Variants in RNF150 observed in about 807,000 individuals in gnomAD.
The protein encoded by RNF150 is ring finger protein 150.
Under a neutral mutation model 39.3 loss-of-function variants are expected in RNF150, and 24 were observed. The ratio of observed to expected loss-of-function variants is 0.61; its 90% confidence interval spans 0.44 to 0.86. The LOEUF (loss-of-function observed/expected upper bound fraction) is 0.86. RNF150 is among the 40% of genes least tolerant of loss of function. RNF150 has a pLI of 0.00. For missense variants in RNF150, 502 were observed against 587.8 expected, an observed-to-expected ratio of 0.85 and a Z score of 1.51; for synonymous variants, 255 against 227.3, an observed-to-expected ratio of 1.12 and a Z score of -1.10.
At chr4:141,207,005 G>A (rs1728385577) in intron 1 of RNF150, among the ~76,000 whole-genome samples, 1 of 148,726 alleles carries the variant, frequency 6.7e-6, no homozygotes, top group African/African-American at 2.5e-5. Context: ...ATGGTAAGAA[G>A]AAGGCAGCCA....
In RNF150 at chr4:141,132,912, T is replaced by A; in HGVS notation, c.-104A>T. On this transcript the variant is annotated 5_prime_UTR_variant, in exon 1 of 7. Coordinates refer to ENST00000515673, the MANE Select transcript of RNF150 (RefSeq NM_020724.2). This position sits in a 1 kb window ranked among gnomAD's most constrained non-coding sequence, Gnocchi z 4.9. Reference sequence around the variant, plus strand: ...GGGCCGCTGCCTCTCCTCCTGCTGCTGCTCACTCCCGGGCCGGAGGGGCCG... The same window carrying A: ...GGGCCGCTGCCTCTCCTCCTGCTGCAGCTCACTCCCGGGCCGGAGGGGCCG... 1 of 963,532 alleles carries A rather than the reference T, an allele frequency of 1.0e-6. No individual in the cohort carries two copies. The highest frequency in any genetic ancestry group is 1.6e-6 in the Non-Finnish European group (1 of 640,568). 59.7% of individuals were successfully genotyped at this position (963,532 alleles called of 1,614,324 possible). A position where few individuals can be genotyped will look rare whatever the true frequency, so the allele number is the denominator to read the frequency against.
chr4:141,143,758 T>C (rs996382665), intron 1 of RNF150, among the ~76,000 whole-genome samples: 4 of 152,220 alleles, frequency 2.6e-5, no homozygotes, highest in African/African-American at 9.6e-5. Context: ...CAACAAGCTT[T>C]GGTTCCACTC....
rs536871267 is a variant in RNF150 at position 140,871,660 on chromosome 4, T to C, written c.1199-3281A>G. The stretch of plus-strand genomic sequence containing the variant: ...CCAGCCAAAAAAAAAATAGCACAGA[T>C]AAAGAGCTGACTTAGTTACAGTTCT... On this transcript the variant is annotated intron_variant, in intron 6 of 6. Coordinates refer to ENST00000515673, the MANE Select transcript of RNF150 (RefSeq NM_020724.2). Among the ~76,000 whole-genome samples, 4 of 152,224 alleles carry C rather than the reference T, an allele frequency of 2.6e-5. No individual in the cohort carries two copies. The East Asian group carries it at 7.7e-4, about 29-fold the overall frequency.
intron 1 of RNF150, among the ~76,000 whole-genome samples, chr4:141,090,376 A>T (rs1738534876): frequency 6.6e-6 from 1 of 152,214 alleles, no homozygotes; most frequent in South Asian, 2.1e-4. Context: ...CTAAATCAGG[A>T]TATAAAAAGA....
intron 1 of RNF150, among the ~76,000 whole-genome samples, chr4:141,168,894 G>A (rs1338686244): frequency 6.6e-6 from 1 of 152,108 alleles, no homozygotes; most frequent in Admixed American, 6.5e-5. Flanking sequence ...GTATACCTAT[G>A]TAACAAACAT....
intron 1 of RNF150, among the ~76,000 whole-genome samples, chr4:141,016,130 T>C (rs1399517227): frequency 1.3e-5 from 2 of 152,204 alleles, no homozygotes; most frequent in Non-Finnish European, 2.9e-5. Flanking sequence ...TTTAGTCCAT[T>C]TCTTTTTACT....
At chr4:141,154,963 G>A (rs1210754909) in intron 1 of RNF150, among the ~76,000 whole-genome samples, 2 of 152,110 alleles carry the variant, frequency 1.3e-5, no homozygotes, top group Non-Finnish European at 2.9e-5. Context: ...ATAAATGCTT[G>A]GTGATGTCAT....
At chr4:140,992,226 G>T (rs1468451130) in intron 1 of RNF150, among the ~76,000 whole-genome samples, 2 of 152,040 alleles carry the variant, frequency 1.3e-5, no homozygotes, top group African/African-American at 4.8e-5. Context: ...GGGGAGCCAG[G>T]TGTGGTAGCT....
chr4:141,039,628 T>C (rs1578659228), intron 1 of RNF150, among the ~76,000 whole-genome samples: 1 of 151,980 alleles, frequency 6.6e-6, no homozygotes, highest in East Asian at 1.9e-4. Flanking sequence ...ACAGGCAGGG[T>C]GGTTGATTCC....
At chr4:140,995,468 T>C (rs1476588448) in intron 1 of RNF150, among the ~76,000 whole-genome samples, 1 of 152,196 alleles carries the variant, frequency 6.6e-6, no homozygotes, top group Non-Finnish European at 1.5e-5. Context: ...GGTGGTAACT[T>C]CTGGGTCATC....
At chr4:140,993,389 T>A (rs1734260861) in intron 1 of RNF150, among the ~76,000 whole-genome samples, 1 of 152,208 alleles carries the variant, frequency 6.6e-6, no homozygotes, top group African/African-American at 2.4e-5. Context: ...TGACCCAGAA[T>A]AATCTCCTCA....
At chr4:140,982,402 A>G (rs1321172970) in intron 1 of RNF150, among the ~76,000 whole-genome samples, 1 of 151,588 alleles carries the variant, frequency 6.6e-6, no homozygotes, top group Non-Finnish European at 1.5e-5. Context: ...AACCTTCCAC[A>G]CCCACACCTC....
At chr4:141,161,936 T>C (rs1727518955) in intron 1 of RNF150, among the ~76,000 whole-genome samples, 1 of 152,136 alleles carries the variant, frequency 6.6e-6, no homozygotes, top group African/African-American at 2.4e-5. Flanking sequence ...AGGGGCACAG[T>C]CCTTATGGAG....
intron 1 of RNF150, among the ~76,000 whole-genome samples, chr4:141,029,780 A>T (rs1040102704): frequency 6.6e-6 from 1 of 152,252 alleles, no homozygotes; most frequent in Non-Finnish European, 1.5e-5. Context: ...ATATTGGATA[A>T]GGGATTACTA....
chr4:141,128,826 G>A (rs776007346), intron 1 of RNF150, among the ~76,000 whole-genome samples: 1 of 152,120 alleles, frequency 6.6e-6, no homozygotes, highest in Non-Finnish European at 1.5e-5. Flanking sequence ...TGGGTGTAAG[G>A]TGAAAGGGAA....
chr4:140,919,591 C>A (rs1399476040), intron 5 of RNF150, among the ~76,000 whole-genome samples: 1 of 150,186 alleles, frequency 6.7e-6, no homozygotes, highest in Non-Finnish European at 1.5e-5. Flanking sequence ...GAATCAATAT[C>A]GTGAAAATGG....
chr4:141,204,436 T>G (rs1728341973), intron 1 of RNF150, among the ~76,000 whole-genome samples: 2 of 152,212 alleles, frequency 1.3e-5, no homozygotes, highest in African/African-American at 2.4e-5. Context: ...ATGTTCTTCT[T>G]AGACAAAAAG....
At position 141,132,504 on chromosome 4, in the gene RNF150, C is replaced by T; in HGVS notation, c.305G>A (p.Cys102Tyr). Reference sequence around the variant, plus strand: ...GGCGGCGAACTTGGTGTTGGGGTCGCAGGCCAGGCGGTCGTGGGCCGAGCT... The same window carrying T: ...GGCGGCGAACTTGGTGTTGGGGTCGTAGGCCAGGCGGTCGTGGGCCGAGCT... ...MASSAHDRLA[C>Y]DPNTKFAAPT... is the part of the protein sequence containing the mutation. The change falls in exon 1 of 7, where the codon TGC (cysteine) becomes TAC (tyrosine). Residue 102 changes from cysteine (C) to tyrosine (Y), a missense_variant. Cys to Tyr is a radical substitution (Grantham distance 194). Transcript: ENST00000515673. This position sits in a 1 kb window ranked among gnomAD's most constrained non-coding sequence, Gnocchi z 4.9. 1 of 1,605,598 alleles carries T rather than the reference C, an allele frequency of 6.2e-7. No homozygotes were observed. Among genetic ancestry groups the T allele is most frequent in the Non-Finnish European group, 8.5e-7 (1 of 1,176,982 alleles).
At chr4:141,086,027 TACACAC>T (rs10527153) in intron 1 of RNF150, among the ~76,000 whole-genome samples, 27,497 of 139,894 alleles carry the variant, frequency 0.2, 2,960 homozygotes, top group East Asian at 0.51. Context: ...TGAGAAGAGT[TACACAC>T]ACACACACAC....
Sources: gnomAD v4.1 joint callset for allele counts (sites outside exome capture counted in the v4.1 genomes callset) on GRCh38, gnomAD v4.1.1 for gene constraint, Gnocchi (gnomAD v3.1) non-coding constraint, MANE v1.5 for transcripts, NCBI Gene and HGNC (gene_info 2026-07-23, HGNC 2026-07-21) for gene names.